Variants in PATJ observed in about 807,000 individuals in gnomAD.
PATJ encodes the protein inaD-like protein.
In PATJ, 190 loss-of-function variants were observed where a neutral mutation model predicts 224.9. The ratio of observed to expected loss-of-function variants is 0.84; its 90% CI spans 0.75 to 0.95. The LOEUF is 0.95. Among genes scored for constraint, PATJ ranks in the 40% least tolerant of loss-of-function variants. The pLI is 0.00. For synonymous variants in PATJ, 769 were observed against 820.3 expected, an observed-to-expected ratio of 0.94 and a Z score of 1.07; for missense variants, 2,121 against 2,270.3, an observed-to-expected ratio of 0.93 and a Z score of 1.34.
chr1:61,761,755 A>G (rs1645984843), intron 1 of PATJ, among the ~76,000 whole-genome samples: 1 of 151,230 alleles, frequency 6.6e-6, no homozygotes, highest in South Asian at 2.1e-4. Flanking sequence ...GCATGATCAT[A>G]GCTCACTGCA....
At chr1:61,904,746 C>G in intron 24 of PATJ, among the ~76,000 whole-genome samples, 1 of 152,216 alleles carries the variant, frequency 6.6e-6, no homozygotes, top group East Asian at 1.9e-4. Flanking sequence ...TTTTGGTTGC[C>G]TCTTCCCTTT....
chr1:61,966,774 G>T (rs1017484032), intron 27 of PATJ, among the ~76,000 whole-genome samples: 1 of 151,816 alleles, frequency 6.6e-6, no homozygotes, highest in Non-Finnish European at 1.5e-5. Flanking sequence ...CCATTTTTAT[G>T]GTTATTTCTT....
chr1:62,153,524 C>A, intron 43 of PATJ, 43 bp downstream of exon 43: 2 of 1,195,938 alleles, frequency 1.7e-6, no homozygotes, highest in Non-Finnish European at 2.1e-6. Context: ...AAAATTAAAC[C>A]TAGGTGAGAT....
intron 24 of PATJ, among the ~76,000 whole-genome samples, chr1:61,907,566 A>T (rs1672025762): frequency 6.6e-6 from 1 of 152,028 alleles, no homozygotes; most frequent in Admixed American, 6.6e-5. Flanking sequence ...TTGCTGTAAT[A>T]TTTCCTTCTA....
At chr1:61,855,650 G>A (rs1663536345) in intron 17 of PATJ, among the ~76,000 whole-genome samples, 1 of 152,142 alleles carries the variant, frequency 6.6e-6, no homozygotes. Flanking sequence ...CTGGGCTCAA[G>A]CAATCCTCCT....
At chr1:61,850,200 G>T (rs963232350) in intron 17 of PATJ, among the ~76,000 whole-genome samples, 3 of 152,094 alleles carry the variant, frequency 2.0e-5, no homozygotes, top group African/African-American at 4.8e-5. Context: ...CCACCTCTCC[G>T]CTCTAGGTGA....
intron 21 of PATJ, among the ~76,000 whole-genome samples, 171 bp from the exon 22 acceptor site, chr1:61,884,066 T>C (rs879886473): frequency 2.6e-5 from 4 of 152,186 alleles, no homozygotes; most frequent in Non-Finnish European, 5.9e-5. Context: ...TTTTTCACCA[T>C]TGTACCTATC....
At chr1:61,940,722 A>G (rs1677690170) in intron 27 of PATJ, among the ~76,000 whole-genome samples, 1 of 113,686 alleles carries the variant, frequency 8.8e-6, no homozygotes, top group Admixed American at 7.8e-5. Flanking sequence ...CTCAAAAAAC[A>G]AAAAAAAAAA....
At chr1:62,140,750 T>C (rs1667416011) in intron 41 of PATJ, among the ~76,000 whole-genome samples, 1 of 151,702 alleles carries the variant, frequency 6.6e-6, no homozygotes, top group East Asian at 1.9e-4. Flanking sequence ...AATCTCTTTC[T>C]AAAAGGCAAT....
At chr1:61,819,620 G>T (rs951377282) in intron 14 of PATJ, among the ~76,000 whole-genome samples, 2 of 152,164 alleles carry the variant, frequency 1.3e-5, no homozygotes, top group Non-Finnish European at 2.9e-5. Flanking sequence ...GCGGCGGTGG[G>T]GGGGCGCGGG....
intron 28 of PATJ, among the ~76,000 whole-genome samples, chr1:62,003,794 G>A (rs1347689335): frequency 6.6e-6 from 1 of 152,308 alleles, no homozygotes; most frequent in East Asian, 1.9e-4. Context: ...TCTGCAAAGT[G>A]GGAGCAATGG....
intron 28 of PATJ, among the ~76,000 whole-genome samples, chr1:62,010,319 C>A (rs1646366430): frequency 8.7e-6 from 1 of 115,256 alleles, no homozygotes; most frequent in Non-Finnish European, 1.8e-5. Context: ...TCCAAAATTC[C>A]TGTTAATGTT....
intron 30 of PATJ, among the ~76,000 whole-genome samples, chr1:62,040,437 C>G (rs918159055): frequency 1.3e-5 from 2 of 151,766 alleles, no homozygotes; most frequent in Non-Finnish European, 2.9e-5. Flanking sequence ...AAGTGGGGAA[C>G]TGGGGGAAAG....
intron 41 of PATJ, among the ~76,000 whole-genome samples, chr1:62,143,448 T>A (rs1319063319): frequency 7.6e-6 from 1 of 130,900 alleles, no homozygotes; most frequent in African/African-American, 2.9e-5. Flanking sequence ...ATTTTTTTTT[T>A]TTTTTTTTTT....
At chr1:61,893,364 T>C (rs1669867351) in intron 22 of PATJ, among the ~76,000 whole-genome samples, 2 of 152,226 alleles carry the variant, frequency 1.3e-5, no homozygotes, top group African/African-American at 4.8e-5. Context: ...CCCCCACCCC[T>C]TCTCCTAAAT....
chr1:61,996,098 C>T lies in PATJ; in HGVS notation c.3867+5734C>T, dbSNP rs148527433. Among the ~76,000 whole-genome samples, 66 of 152,238 alleles carry T rather than the reference C, an allele frequency of 4.3e-4. No homozygotes were observed. In the East Asian group the frequency reaches 0.011, roughly 25 times the overall value. On this transcript the variant is annotated intron_variant, in intron 28 of 43. Transcript: ENST00000642238. ...TTTGTATCATTCACCTAAAGGATAA[C>T]CCAAGTAAAATCCTGTCATTTTGCT...
At chr1:61,777,906 G>T (rs1014777585) in intron 7 of PATJ, among the ~76,000 whole-genome samples, 9 of 151,418 alleles carry the variant, frequency 5.9e-5, no homozygotes, top group Non-Finnish European at 1.3e-4. Context: ...TTGAGACAGG[G>T]TCTCACTCTG....
Position 61,864,319 on chromosome 1 carries a change from C to G in PATJ, c.2521C>G (p.Gln841Glu). 1 of 1,613,800 alleles carries G rather than the reference C, an allele frequency of 6.2e-7. No homozygotes were observed. Among genetic ancestry groups the G allele is most frequent in the Non-Finnish European group, 8.5e-7 (1 of 1,179,800 alleles). The change falls in exon 20 of 44, where the codon CAA becomes GAA. Residue 841 changes from glutamine to glutamate, a missense_variant. Transcript: ENST00000642238. ...LDLGKSFHSQ[Q>E]KEIEQSKEAW... ...TCTGGGAAAGTCTTTCCATTCCCAA[C>G]AAAAAGAGATAGAGCAAAGCAAGGA...
intron 43 of PATJ, among the ~76,000 whole-genome samples, chr1:62,157,012 A>G (rs1418359394): frequency 6.6e-6 from 1 of 151,682 alleles, no homozygotes; most frequent in East Asian, 2.0e-4. Flanking sequence ...GTAACTCAGT[A>G]TCAGAATTCA....
Sources: gnomAD v4.1 joint callset for allele counts (sites outside exome capture counted in the v4.1 genomes callset) on GRCh38, gnomAD v4.1.1 for gene constraint, MANE v1.5 for transcripts, NCBI Gene and HGNC (gene_info 2026-07-23, HGNC 2026-07-21) for gene names.